Variants in ITCH observed in about 807,000 individuals in gnomAD.
ITCH encodes the protein itchy E3 ubiquitin protein ligase.
A neutral mutation model predicts 126.8 loss-of-function variants in ITCH; 28 were observed. The ratio of observed to expected loss-of-function variants is 0.22; its 90% CI spans 0.16 to 0.30. ITCH has a LOEUF of 0.30. Among genes scored for constraint, ITCH ranks in the 10% least tolerant of loss-of-function variants. ITCH has a pLI of 1.00. For missense variants in ITCH, 631 were observed against 1,032.4 expected (o/e 0.61, Z 5.33); for synonymous variants, 342 against 340.0 (o/e 1.01, Z -0.06).
At chr20:34,423,961 A>G (rs1336454055) in intron 6 of ITCH, among the ~76,000 whole-genome samples, 1 of 152,208 alleles carries the variant, frequency 6.6e-6, no homozygotes, top group Admixed American at 6.5e-5. Context: ...TTTTCCATCA[A>G]TAAAGCAAGA....
At chr20:34,396,577 T>C (rs904136546) in intron 3 of ITCH, among the ~76,000 whole-genome samples, 2 of 151,766 alleles carry the variant, frequency 1.3e-5, no homozygotes, top group Non-Finnish European at 1.5e-5. Context: ...GGTGCAGTCA[T>C]GGCTGACTGC....
At chr20:34,447,479 A>G (rs1337142492) in intron 11 of ITCH, among the ~76,000 whole-genome samples, 1 of 152,210 alleles carries the variant, frequency 6.6e-6, no homozygotes, top group East Asian at 1.9e-4. Flanking sequence ...TCTTACTAGC[A>G]TACAGAAACT....
At position 34,413,753 on chromosome 20, in the gene ITCH, G is replaced by A. The variant is rs1174175667; in HGVS notation, c.349G>A (p.Val117Ile). ...KSNNMKLEEVVVTLQLGGDKE... is the reference protein window; with the variant it reads ...KSNNMKLEEVIVTLQLGGDKE... ...TTATTTTCTTCCAGTTGAAGAAGTAGTTGTGACTTTGCAGCTTGGAGGTGA... is the reference window on the plus strand; with the variant it reads ...TTATTTTCTTCCAGTTGAAGAAGTAATTGTGACTTTGCAGCTTGGAGGTGA... Residue 117 changes from valine (V) to isoleucine (I), a missense_variant, in exon 6 of 25, where the codon GTT (valine) becomes ATT (isoleucine). Val to Ile is a conservative substitution (Grantham distance 29). Around this residue, in one of 4 missense-constraint regions of ITCH, gnomAD observed 220 missense variants for 265.7 expected, o/e 0.83. Transcript: ENST00000374864. 1.2e-6 allele frequency: 2 copies of A among 1,609,948 alleles called. No individual in the cohort carries two copies. Among genetic ancestry groups the A allele is most frequent in the Non-Finnish European group, 1.7e-6 (2 of 1,177,886 alleles).
chr20:34,450,322 A>T (rs1258631363), intron 12 of ITCH, among the ~76,000 whole-genome samples: 1 of 152,204 alleles, frequency 6.6e-6, no homozygotes, highest in African/African-American at 2.4e-5. Context: ...TTGTAATCAC[A>T]TTGGTTCTCC....
chr20:34,433,612 G>T (rs1236860297), intron 7 of ITCH, among the ~76,000 whole-genome samples: 1 of 147,818 alleles, frequency 6.8e-6, no homozygotes, highest in East Asian at 2.0e-4. Flanking sequence ...AGCAGTGATT[G>T]TGCCTATGCA....
intron 3 of ITCH, among the ~76,000 whole-genome samples, chr20:34,395,978 T>C (rs1170020754): frequency 6.6e-6 from 1 of 151,952 alleles, no homozygotes; most frequent in East Asian, 1.9e-4. Flanking sequence ...AATTCCTAGG[T>C]TATATGGAAT....
intron 13 of ITCH, among the ~76,000 whole-genome samples, chr20:34,461,590 C>T (rs1409228806): frequency 4.0e-5 from 6 of 151,838 alleles, no homozygotes; most frequent in Non-Finnish European, 7.4e-5. Flanking sequence ...TGGCAGGCGC[C>T]TGTAGTCCCA....
chr20:34,511,573 A>T lies in ITCH; in HGVS notation c.*3779A>T, dbSNP rs1364817969. ...GTTCCCAGACCAAATCAAGGGTTGG[A>T]CTGCTTATTCTCGCAGCCCAATAAT... On this transcript the variant is annotated 3_prime_UTR_variant, in exon 25 of 25. Transcript: ENST00000374864. 1.3e-5 allele frequency among the ~76,000 whole-genome samples: 2 copies of T among 152,194 alleles called. No individual in the cohort carries two copies. Among genetic ancestry groups the T allele is most frequent in the East Asian group, 3.8e-4 (2 of 5,202 alleles).
intron 13 of ITCH, among the ~76,000 whole-genome samples, chr20:34,461,710 A>T (rs1047298579): frequency 0.025 from 12 of 488 alleles, no homozygotes; most frequent in Non-Finnish European, 0.067. Flanking sequence ...CTCCATCTAT[A>T]AAAAAAAAAA....
At chr20:34,427,676 ATG>A (rs1415725697) in intron 7 of ITCH, among the ~76,000 whole-genome samples, 1 of 152,170 alleles carries the variant, frequency 6.6e-6, no homozygotes, top group African/African-American at 2.4e-5. Context: ...GAATACTATT[ATG>A]TCTCTTTTGT....
chr20:34,386,769 C>T (rs935296882), intron 2 of ITCH, among the ~76,000 whole-genome samples: 13 of 152,100 alleles, frequency 8.5e-5, no homozygotes, highest in Admixed American at 4.6e-4. Flanking sequence ...TTAATAATTT[C>T]TCTATAAATA....
chr20:34,397,272 C>T (rs1269241378), intron 3 of ITCH, among the ~76,000 whole-genome samples: 10 of 152,164 alleles, frequency 6.6e-5, no homozygotes, highest in Admixed American at 3.3e-4. Flanking sequence ...CCACCCACCT[C>T]GGCCTCCCAA....
chr20:34,408,914 T>G (rs1306508267), intron 4 of ITCH, 122 bp downstream of exon 4: 8 of 1,036,514 alleles, frequency 7.7e-6, no homozygotes, highest in African/African-American at 1.6e-5. Flanking sequence ...TCTCTTCTTT[T>G]TTTTTTTTTC....
intron 4 of ITCH, 75 bp from the exon 5 acceptor site, chr20:34,412,440 G>T (rs1027424015): frequency 2.4e-5 from 28 of 1,181,376 alleles, no homozygotes; most frequent in Non-Finnish European, 1.7e-5. Context: ...CTTTAAAACT[G>T]AATTGTAATT....
At chr20:34,455,678 A>G (rs1038260068) in intron 12 of ITCH, among the ~76,000 whole-genome samples, 10 of 148,930 alleles carry the variant, frequency 6.7e-5, no homozygotes, top group Non-Finnish European at 1.0e-4. Flanking sequence ...GGGTTTCACC[A>G]TGTTGCCCAG....
At chr20:34,435,582 T>G (rs910947356) in intron 7 of ITCH, among the ~76,000 whole-genome samples, 7 of 152,226 alleles carry the variant, frequency 4.6e-5, no homozygotes. Flanking sequence ...TAGAATTGTT[T>G]GTAGAGCAGC....
At chr20:34,452,069 C>CA (rs765697780) in intron 12 of ITCH, among the ~76,000 whole-genome samples, 3,248 of 51,778 alleles carry the variant, frequency 0.063, 82 homozygotes, top group African/African-American at 0.078. Flanking sequence ...GACCCTGTCT[C>CA]AAAAAAAAAA....
chr20:34,503,874 T>G (rs13042238), intron 23 of ITCH, among the ~76,000 whole-genome samples: 49,389 of 124,364 alleles, frequency 0.4, 10,448 homozygotes, highest in Non-Finnish European at 0.46. Flanking sequence ...TTTTTGGTTT[T>G]TTTTTTTTTG....
At chr20:34,407,247 A>G (rs2039091282) in intron 3 of ITCH, among the ~76,000 whole-genome samples, 1 of 152,178 alleles carries the variant, frequency 6.6e-6, no homozygotes. Flanking sequence ...TCCAACACAC[A>G]GAATAAAATC....
Sources: allele counts gnomAD v4.1 joint callset (sites outside exome capture counted in the v4.1 genomes callset), GRCh38; gene constraint gnomAD v4.1.1; regional missense constraint gnomAD v4.1.1; transcripts MANE v1.5; gene names NCBI Gene and HGNC (gene_info 2026-07-23, HGNC 2026-07-21).